Variants in PIAS3 observed in about 807,000 individuals in gnomAD.
PIAS3 encodes the protein protein inhibitor of activated STAT 3.
PIAS3 carries 34 observed loss-of-function variants against 67.6 expected under a neutral mutation model. That is an observed-to-expected ratio of 0.50 (90% CI 0.38 to 0.67). PIAS3 has a LOEUF of 0.67. Ranked by LOEUF, PIAS3 falls within the 30% of genes least tolerant of loss-of-function variation. PIAS3 has a pLI of 0.00. For missense variants in PIAS3, 693 were observed against 791.6 expected (o/e 0.88, Z 1.49); for synonymous variants, 341 against 313.8 (o/e 1.09, Z -0.92).
intron 11 of PIAS3, 59 bp from the exon 12 acceptor site, chr1:145,850,645 G>A (rs1652919840): frequency 6.2e-7 from 1 of 1,602,122 alleles, no homozygotes; most frequent in South Asian, 1.1e-5. Flanking sequence ...ACCCAGCTCA[G>A]GTCCCCAGGT....
Position 145,848,939 on chromosome 1 carries a change from C to G in PIAS3, c.*507G>C, listed in dbSNP as rs1170756968. On this transcript the variant is annotated 3_prime_UTR_variant, in exon 14 of 14. Coordinates refer to ENST00000393045, the MANE Select transcript of PIAS3 (RefSeq NM_006099.3). ...CATCCACAATCCAAAATAAAGTTCT[C>G]TGTCCATCTCTGAAACTGCCTGTCT... 1 of 160,782 alleles carries G rather than the reference C, an allele frequency of 6.2e-6. No individual in the cohort carries two copies. The highest frequency in any genetic ancestry group is 1.8e-4 in the East Asian group (1 of 5,478). The allele number at this position is 160,782 out of a possible 1,614,324, so 10.0% of individuals were successfully genotyped here. A position where few individuals can be genotyped will look rare whatever the true frequency, so the allele number is the denominator to read the frequency against.
Position 145,849,589 on chromosome 1 carries a change from A to T in PIAS3, c.1744T>A (p.Cys582Ser), listed in dbSNP as rs782297004. ...GGAGGGGGCGCCGGAGTGGCGCTGC[A>T]GTGGGAGCTCCCCAGCGTGGGGGCC... is the stretch of plus-strand genomic sequence containing the variant. ...PLAPTLGSSH[C>S]SATPAPPPGR... The change falls in exon 14 of 14, where the codon TGC (cysteine) becomes AGC (serine). Residue 582 changes from cysteine to serine, a missense_variant. This residue lies in a region of PIAS3 where 270 missense variants were observed against 261.0 expected (regional missense o/e 1.03). Coordinates refer to ENST00000393045, the MANE Select transcript of PIAS3 (RefSeq NM_006099.3). The T allele has an allele frequency of 6.2e-7, 1 of 1,613,096 alleles. No individual in the cohort carries two copies. Among genetic ancestry groups the T allele is most frequent in the Non-Finnish European group, 8.5e-7 (1 of 1,179,602 alleles).
Position 145,856,399 on chromosome 1 carries a change from G to A in PIAS3, c.475C>T (p.His159Tyr), listed in dbSNP as rs1287441049. 6 of 1,614,022 alleles carry A rather than the reference G, an allele frequency of 3.7e-6. No homozygotes were observed. In the African/African-American group the frequency reaches 6.7e-5, roughly 18 times the overall value. Residue 159 changes from histidine to tyrosine, a missense_variant, in exon 3 of 14, where the codon CAC (histidine) becomes TAC (tyrosine). Coordinates refer to ENST00000393045, the MANE Select transcript of PIAS3 (RefSeq NM_006099.3). Reference sequence around the variant, plus strand: ...TGGGGTGTGAGGGCAAAGGTAAAGTGCGCTTCCTCAAACCGCTGGCTAGAA... The same window carrying A: ...TGGGGTGTGAGGGCAAAGGTAAAGTACGCTTCCTCAAACCGCTGGCTAGAA... ...STSSQRFEEA[H>Y]FTFALTPQQV...
At position 145,856,128 on chromosome 1, in the gene PIAS3, G is replaced by A; in HGVS notation, c.528-10C>T. On this transcript the variant is annotated splice_polypyrimidine_tract_variant and intron_variant, in intron 3 of 13. Coordinates refer to ENST00000393045, the MANE Select transcript of PIAS3 (RefSeq NM_006099.3). The stretch of plus-strand genomic sequence containing the variant: ...TCCTGGCAGAACCTCTCTGTAACAG[G>A]GAGGGAGATGAAGAGATGTCAGCAT... The A allele has an allele frequency of 6.2e-7, 1 of 1,610,738 alleles. No individual in the cohort carries two copies. The highest frequency in any genetic ancestry group is 8.5e-7 in the Non-Finnish European group (1 of 1,176,886).
chr1:145,850,301 C>G, intron 12 of PIAS3, 32 bp from the exon 13 acceptor site: 1 of 1,614,110 alleles, frequency 6.2e-7, no homozygotes, highest in Non-Finnish European at 8.5e-7. Flanking sequence ...AAATTAACCT[C>G]CTATCTGACC....
At position 145,851,274 on chromosome 1, in the gene PIAS3, A is replaced by C. The variant is rs375090326; in HGVS notation, c.1146-121T>G. 1.5e-4 allele frequency: 153 copies of C among 1,013,964 alleles called. 1 individual carries two copies. The African/African-American group carries it at 1.9e-3, about 13-fold the overall frequency. 62.8% of individuals were successfully genotyped at this position (1,013,964 alleles called of 1,614,324 possible). On this transcript the variant is annotated intron_variant, in intron 9 of 13. Coordinates refer to ENST00000393045, the MANE Select transcript of PIAS3 (RefSeq NM_006099.3). ...CATCTGTAAAATAAGAACATTATCC[A>C]TCCTACTGGACCGCTCTGAGTTGTT... is the stretch of plus-strand genomic sequence containing the variant.
chr1:145,851,395 C>T (rs1652959143), intron 9 of PIAS3: 2 of 452,638 alleles, frequency 4.4e-6, no homozygotes, highest in African/African-American at 2.0e-5. Flanking sequence ...GTGGCTCACG[C>T]CTTTAATCCC....
chr1:145,856,439 T>C lies in PIAS3; in HGVS notation c.443-8A>G, dbSNP rs201706959. The C allele has an allele frequency of 3.0e-5, 49 of 1,613,690 alleles. No homozygotes were observed. In the East Asian group the frequency reaches 8.5e-4, roughly 28 times the overall value. The stretch of plus-strand genomic sequence containing the variant: ...GCTGGCTAGAAGTGGATGCTGAGGA[T>C]ACAAAGGGGCAGTTATTCCAAGCCC... On this transcript the variant is annotated splice_region_variant and splice_polypyrimidine_tract_variant and intron_variant, in intron 2 of 13. Transcript: ENST00000393045.
chr1:145,858,679 C>G (rs587752599), intron 1 of PIAS3, among the ~76,000 whole-genome samples: 1 of 150,406 alleles, frequency 6.6e-6, no homozygotes, highest in African/African-American at 2.5e-5. Context: ...AACAACCGCC[C>G]CTACTACTAA....
Position 145,849,559 on chromosome 1 carries a change from G to A in PIAS3, c.1774C>T (p.Arg592Cys), listed in dbSNP as rs144823769. ...CSATPAPPPG[R>C]VSSIVAPGGA... is the part of the protein sequence containing the mutation. ...CCAGGGGCCACAATGCTGCTGACAC[G>A]GCCAGGAGGGGGCGCCGGAGTGGCG... The change falls in exon 14 of 14, where the codon CGT becomes TGT. Residue 592 changes from arginine to cysteine, a missense_variant. Around this residue, in one of 3 missense-constraint regions of PIAS3, gnomAD observed 270 missense variants for 261.0 expected, o/e 1.03. Transcript: ENST00000393045. The A allele has an allele frequency of 8.1e-5, 130 of 1,606,296 alleles. 1 individual carries two copies. The highest frequency in any genetic ancestry group is 2.9e-4 in the South Asian group (26 of 89,952).
chr1:145,852,437 G>A (rs1482043400), intron 9 of PIAS3, among the ~76,000 whole-genome samples: 1 of 152,188 alleles, frequency 6.6e-6, no homozygotes, highest in Non-Finnish European at 1.5e-5. Flanking sequence ...TATTATGACA[G>A]TTCAGTACAC....
chr1:145,850,556 C>A lies in PIAS3; in HGVS notation c.1479G>T (p.Ser493=). The A allele has an allele frequency of 6.2e-7, 1 of 1,614,164 alleles. No homozygotes were observed. The highest frequency in any genetic ancestry group is 8.5e-7 in the Non-Finnish European group (1 of 1,180,018). The change falls in exon 12 of 14, where the codon TCG becomes TCT. Residue 493 remains serine (S), a synonymous_variant. Coordinates refer to ENST00000393045, the MANE Select transcript of PIAS3 (RefSeq NM_006099.3). ...TGCCCATAGCAGGGCTCCTTAGCAC[C>A]GAGGATGGCTGGTGGCCAGATGTCA... ...GVLTSGHQPS[S]VLRSPAMGTL... is the part of the protein sequence containing the mutation.
Position 145,856,671 on chromosome 1 carries a change from G to A in PIAS3, c.360C>T (p.Pro120=), listed in dbSNP as rs782159813. ...KREVDMHPPL[P]QPVHPDVTMK... is the part of the protein sequence containing the mutation. ...TGGTGACATCAGGGTGCACAGGCTG[G>A]GGCAGAGGGGGGTGCATGTCCACCT... Residue 120 remains proline, a synonymous_variant, in exon 2 of 14, where the codon CCC becomes CCT. Transcript: ENST00000393045. 3.7e-6 allele frequency: 6 copies of A among 1,605,924 alleles called. No homozygotes were observed. Among genetic ancestry groups the A allele is most frequent in the Non-Finnish European group, 5.1e-6 (6 of 1,174,962 alleles).
At chr1:145,854,973 C>A in intron 5 of PIAS3, 93 bp from the exon 6 acceptor site, 1 of 1,492,014 alleles carries the variant, frequency 6.7e-7, no homozygotes, top group Non-Finnish European at 9.2e-7. Flanking sequence ...GTTATTCAAT[C>A]CCTGGAGGGA....
chr1:145,855,311 G>A (rs782077435), intron 5 of PIAS3, among the ~76,000 whole-genome samples: 16 of 151,998 alleles, frequency 1.1e-4, no homozygotes, highest in Admixed American at 1.3e-4. Context: ...GTAAAACTCC[G>A]TCTCTACTAA....
chr1:145,853,738 T>TTGATG (rs1653054060), intron 8 of PIAS3, 74 bp from the exon 9 acceptor site: 4 of 1,607,132 alleles, frequency 2.5e-6, no homozygotes, highest in Admixed American at 3.3e-5. Context: ...CCAGTATCCC[T>TTGATG]AGGAACCCTC....
At chr1:145,858,386 G>C (rs587708144) in intron 1 of PIAS3, among the ~76,000 whole-genome samples, 1 of 152,056 alleles carries the variant, frequency 6.6e-6, no homozygotes, top group Non-Finnish European at 1.5e-5. Context: ...CACTACGGCA[G>C]GACCTTCCTC....
chr1:145,856,430 T>C lies in PIAS3; in HGVS notation c.444A>G (p.Ala148=). The change falls in exon 3 of 14, where the codon GCA becomes GCG. Residue 148 remains alanine, a splice_region_variant and synonymous_variant. Coordinates refer to ENST00000393045, the MANE Select transcript of PIAS3 (RefSeq NM_006099.3). ...CCTCAAACCGCTGGCTAGAAGTGGA[T>C]GCTGAGGATACAAAGGGGCAGTTAT... ...YGELIRPTTL[A]STSSQRFEEA... 1 of 1,614,012 alleles carries C rather than the reference T, an allele frequency of 6.2e-7. No homozygotes were observed. The highest frequency in any genetic ancestry group is 1.1e-5 in the South Asian group (1 of 91,082).
At position 145,854,880 on chromosome 1, in the gene PIAS3, C is replaced by T. The variant is rs1553735222; in HGVS notation, c.670G>A (p.Gly224Ser). 2 of 1,614,070 alleles carry T rather than the reference C, an allele frequency of 1.2e-6. No individual in the cohort carries two copies. The highest frequency in any genetic ancestry group is 1.7e-6 in the Non-Finnish European group (2 of 1,179,998). Residue 224 changes from glycine to serine, a missense_variant and splice_region_variant, in exon 6 of 14, where the codon GGT becomes AGT. Coordinates refer to ENST00000393045, the MANE Select transcript of PIAS3 (RefSeq NM_006099.3). ...CCATTCTTGGTTGGGGGAAGGTAAC[C>T]CTGGAGAAGGGAGGGATTGGTCAGT... ...KVNGKLCPLP[G>S]YLPPTKNGAE...
Sources: gnomAD v4.1 joint callset for allele counts (sites outside exome capture counted in the v4.1 genomes callset) on GRCh38, gnomAD v4.1.1 for gene constraint, gnomAD v4.1.1 regional missense constraint, MANE v1.5 for transcripts, NCBI Gene and HGNC (gene_info 2026-07-23, HGNC 2026-07-21) for gene names.